The following PCDHA1 variants were observed in gnomAD, a reference collection of about 807,000 sequenced individuals.
PCDHA1 encodes the protein protocadherin alpha 1, also known as protocadherin alpha-1.
A neutral mutation model predicts 61.3 loss-of-function variants in PCDHA1; 42 were observed. The observed-to-expected ratio is 0.69, with a 90% CI of 0.54 to 0.89. The LOEUF (loss-of-function observed/expected upper bound fraction) is 0.89, where lower values mean the gene tolerates loss of function less well. Among genes scored for constraint, PCDHA1 ranks in the 40% least tolerant of loss-of-function variants. PCDHA1 has a pLI of 0.00. For synonymous variants in PCDHA1, 610 were observed against 553.8 expected, an observed-to-expected ratio of 1.10 and a Z score of -1.43; for missense variants, 1,256 against 1,235.3, an observed-to-expected ratio of 1.02 and a Z score of -0.25.
intron 3 of PCDHA1, among the ~76,000 whole-genome samples, chr5:140,997,706 A>G (rs1387378770): frequency 3.3e-5 from 5 of 151,686 alleles, no homozygotes; most frequent in African/African-American, 1.2e-4. Flanking sequence ...GTATGTTAAC[A>G]AACACCTTTC....
intron 1 of PCDHA1, chr5:140,802,846 C>T (rs782401655): frequency 2.5e-6 from 4 of 1,613,542 alleles, no homozygotes; most frequent in African/African-American, 2.7e-5. Context: ...AGCAACGTGA[C>T]GCTGCAGGTG....
chr5:140,803,313 G>A (rs1421917213), intron 1 of PCDHA1: 2 of 1,614,024 alleles, frequency 1.2e-6, no homozygotes, highest in Non-Finnish European at 8.5e-7. Context: ...CGCCATCTGC[G>A]CGGTGTCCAG....
intron 1 of PCDHA1, among the ~76,000 whole-genome samples, chr5:140,826,922 A>T (rs910520079): frequency 6.6e-6 from 1 of 152,170 alleles, no homozygotes; most frequent in Non-Finnish European, 1.5e-5. Flanking sequence ...TGAAAGACAG[A>T]TGGACTTAGG....
intron 1 of PCDHA1, chr5:140,836,210 T>G (rs2150255516): frequency 2.2e-5 from 36 of 1,613,654 alleles, no homozygotes; most frequent in Admixed American, 6.7e-5. Flanking sequence ...GGCTTTCGTA[T>G]GAGTTGCAAC....
intron 1 of PCDHA1, among the ~76,000 whole-genome samples, chr5:140,940,974 A>G (rs1206597858): frequency 6.6e-6 from 1 of 152,220 alleles, no homozygotes; most frequent in Non-Finnish European, 1.5e-5. Flanking sequence ...GATATCTGGT[A>G]TCTAGTTACA....
intron 1 of PCDHA1, chr5:140,851,167 C>T: frequency 7.8e-7 from 1 of 1,282,038 alleles, no homozygotes. Context: ...GCTATGCTGC[C>T]ATAACACTTG....
In PCDHA1 at chr5:140,884,535, C is replaced by A. The variant is rs142468733; in HGVS notation, c.2395-94414C>A. 15 of 1,614,034 alleles carry A rather than the reference C, an allele frequency of 9.3e-6. No individual in the cohort carries two copies. The South Asian group carries it at 1.5e-4, about 17-fold the overall frequency. ...TGGTCGTACTCGCAGCAGAGGCGGCCGAGGGTGTGCTCTGGGGAGGGCCCG... is the reference window on the plus strand; with the variant it reads ...TGGTCGTACTCGCAGCAGAGGCGGCAGAGGGTGTGCTCTGGGGAGGGCCCG... On this transcript the variant is annotated intron_variant, in intron 1 of 3. Transcript: ENST00000504120.
chr5:140,866,363 C>T (rs550714417), intron 1 of PCDHA1: 20 of 152,216 alleles, frequency 1.3e-4, no homozygotes, highest in Non-Finnish European at 2.2e-4. Context: ...TACAATATTG[C>T]ATACTTCAAT....
At position 140,857,846 on chromosome 5, in the gene PCDHA1, T is replaced by C. The variant is rs782107328; in HGVS notation, c.2394+69162T>C. 6.3e-6 allele frequency: 10 copies of C among 1,597,716 alleles called. 1 individual carries two copies. Among genetic ancestry groups the C allele is most frequent in the Non-Finnish European group, 8.6e-6 (10 of 1,167,514 alleles). ...TAAGGTGCGCGCAGTGGACGCTGAC[T>C]CTGGATACAACGCGTGGCTGTCGTA... is the stretch of plus-strand genomic sequence containing the variant. On this transcript the variant is annotated intron_variant, in intron 1 of 3. Coordinates refer to ENST00000504120, the MANE Select transcript of PCDHA1 (RefSeq NM_018900.4).
intron 1 of PCDHA1, chr5:140,807,583 G>T (rs1554124096): frequency 3.1e-6 from 5 of 1,614,178 alleles, no homozygotes. Context: ...ACCCGCCGGT[G>T]TTCCCAGCAA....
chr5:140,809,480 C>T (rs1554125244), intron 1 of PCDHA1: 2 of 1,614,122 alleles, frequency 1.2e-6, no homozygotes, highest in Admixed American at 1.7e-5. Flanking sequence ...TGAGGGCCCA[C>T]CCAAGACCGA....
chr5:140,959,772 C>T (rs1554224331), intron 1 of PCDHA1, among the ~76,000 whole-genome samples: 1 of 152,120 alleles, frequency 6.6e-6, no homozygotes, highest in East Asian at 1.9e-4. Flanking sequence ...TCAGTAAGAA[C>T]AGTGTATATT....
intron 1 of PCDHA1, chr5:140,796,279 A>G: frequency 4.3e-6 from 7 of 1,614,096 alleles, no homozygotes; most frequent in Non-Finnish European, 5.9e-6. Flanking sequence ...GTGGGCCACC[A>G]CCAGCGTGTC....
chr5:140,849,764 G>A, intron 1 of PCDHA1: 1 of 1,598,518 alleles, frequency 6.3e-7, no homozygotes, highest in South Asian at 1.1e-5. Context: ...CCTACGAGCT[G>A]GTGGTTACCG....
chr5:140,928,852 G>T, intron 1 of PCDHA1: 1 of 1,614,172 alleles, frequency 6.2e-7, no homozygotes, highest in Non-Finnish European at 8.5e-7. Flanking sequence ...CACTCTGGGT[G>T]TGCTGTTGAG....
At chr5:140,935,073 A>G (rs77827614) in intron 1 of PCDHA1, among the ~76,000 whole-genome samples, 63 of 152,260 alleles carry the variant, frequency 4.1e-4, no homozygotes, top group African/African-American at 1.3e-3. Context: ...ATTATCTTGT[A>G]CATTTCCTTT....
intron 1 of PCDHA1, chr5:140,797,253 C>A: frequency 6.2e-7 from 1 of 1,613,860 alleles, no homozygotes; most frequent in South Asian, 1.1e-5. Flanking sequence ...CTGGGGAGGA[C>A]CCCCCCAAGA....
intron 1 of PCDHA1, among the ~76,000 whole-genome samples, chr5:140,914,395 C>G (rs781878941): frequency 6.6e-6 from 1 of 152,082 alleles, no homozygotes; most frequent in African/African-American, 2.4e-5. Context: ...TGTAGTTACC[C>G]CTGCTCCTGT....
At chr5:140,985,670 G>A (rs1554247237) in intron 3 of PCDHA1, among the ~76,000 whole-genome samples, 1 of 152,024 alleles carries the variant, frequency 6.6e-6, no homozygotes, top group East Asian at 1.9e-4. Flanking sequence ...AAAGGAAGTG[G>A]GGCCTGCCTT....
Sources: gnomAD v4.1 joint callset for allele counts (sites outside exome capture counted in the v4.1 genomes callset) on GRCh38, gnomAD v4.1.1 for gene constraint, MANE v1.5 for transcripts, NCBI Gene and HGNC (gene_info 2026-07-23, HGNC 2026-07-21) for gene names.